The following WNT2B variants were observed in gnomAD, a reference collection of about 807,000 sequenced individuals.
WNT2B encodes Wnt family member 2B.
WNT2B carries 19 observed loss-of-function variants against 40.5 expected under a neutral mutation model. The observed-to-expected ratio is 0.47, with a 90% CI of 0.33 to 0.69. The LOEUF (loss-of-function observed/expected upper bound fraction) is 0.69. Among genes scored for constraint, WNT2B ranks in the 30% least tolerant of loss-of-function variants. The probability of loss-of-function intolerance (pLI) is 0.02; values close to 1 mark genes in which losing one functional copy is unlikely to be tolerated. For synonymous variants in WNT2B, 220 were observed against 211.9 expected (o/e 1.04, Z -0.33); for missense variants, 467 against 556.4 (o/e 0.84, Z 1.62).
Position 112,514,556 on chromosome 1 carries a change from TTG to T in WNT2B, c.183-313_183-312del, listed in dbSNP as rs149709978. Among the ~76,000 whole-genome samples the T allele has an allele frequency of 1.2e-3, 179 of 152,330 alleles. 2 individuals carry two copies. In the East Asian group the frequency reaches 0.015, roughly 13 times the overall value. ...TTTATTAAATAAACAGACAATGAGT[TTG>T]TGTGACATGCCCACAGCTTCTGTGT... On this transcript the variant is annotated intron_variant, in intron 1 of 4. Transcript: ENST00000369684.
intron 4 of WNT2B, among the ~76,000 whole-genome samples, chr1:112,519,228 T>A (rs1034720849): frequency 6.6e-6 from 1 of 152,260 alleles, no homozygotes; most frequent in Non-Finnish European, 1.5e-5. Flanking sequence ...CTCCATTATA[T>A]GTATATTTAT....
At chr1:112,508,232 G>A (rs919490313), upstream of WNT2B, among the ~76,000 whole-genome samples, 1 of 151,914 alleles carries the variant, frequency 6.6e-6, no homozygotes, top group Non-Finnish European at 1.5e-5. This position sits in a 1 kb window ranked among gnomAD's most constrained non-coding sequence, Gnocchi z 4.2. Flanking sequence ...AGGGGGAGCG[G>A]GGAGAGACTG....
chr1:112,516,718 G>A (rs1311879613), intron 3 of WNT2B, among the ~76,000 whole-genome samples: 2 of 152,202 alleles, frequency 1.3e-5, no homozygotes, highest in African/African-American at 4.8e-5. Flanking sequence ...GGTTGTTCTA[G>A]TCAGTTCCCT....
At position 112,515,421 on chromosome 1, in the gene WNT2B, T is replaced by C. The variant is rs1294806288; in HGVS notation, c.403+327T>C. Among the ~76,000 whole-genome samples the C allele has an allele frequency of 6.6e-6, 1 of 152,214 alleles. No homozygotes were observed. The highest frequency in any genetic ancestry group is 6.5e-5 in the Admixed American group (1 of 15,278). On this transcript the variant is annotated intron_variant, in intron 2 of 4. Transcript: ENST00000369684. The surrounding 1 kb of genome is among the most constrained non-coding windows in gnomAD (Gnocchi z 4.4). ...TGTACTGTAAGGCTGAGGTCTATGA[T>C]AGGCCCTCTGTTCTTAACACCACCA...
At position 112,521,306 on chromosome 1, in the gene WNT2B, G is replaced by A. The variant is rs1652859214; in HGVS notation, c.*797G>A. 1 of 130,570 alleles carries A rather than the reference G, an allele frequency of 7.7e-6. No individual in the cohort carries two copies. The highest frequency in any genetic ancestry group is 2.9e-5 in the African/African-American group (1 of 34,798). The allele number at this position is 130,570 out of a possible 1,614,324, so 8.1% of individuals were successfully genotyped here. On this transcript the variant is annotated 3_prime_UTR_variant, in exon 5 of 5. Transcript: ENST00000369684. ...TGTAGTAAGTCTGGCTAGGCCTTGT[G>A]TTGCCTTTTTTTTTTTTTTTTTTTT...
intron 1 of WNT2B, among the ~76,000 whole-genome samples, chr1:112,513,152 A>G (rs1420391681): frequency 1.3e-5 from 2 of 151,590 alleles, no homozygotes; most frequent in South Asian, 2.1e-4. Context: ...CCCATTGCCT[A>G]GAGCAGTACT....
At chr1:112,479,049 T>C (rs947941394) in intron 1 of WNT2B, among the ~76,000 whole-genome samples, 7 of 150,696 alleles carry the variant, frequency 4.6e-5, no homozygotes, top group African/African-American at 9.8e-5. Flanking sequence ...GGTGAAACCT[T>C]GTCTCTACTA....
chr1:112,483,590 C>T (rs2101057933), intron 1 of WNT2B, among the ~76,000 whole-genome samples: 1 of 150,524 alleles, frequency 6.6e-6, no homozygotes, highest in South Asian at 2.1e-4. Context: ...TTTGATGTGA[C>T]ACAAAAAGCA....
At chr1:112,484,290 T>TATAC (rs1294363726) in intron 1 of WNT2B, among the ~76,000 whole-genome samples, 72 of 126,034 alleles carry the variant, frequency 5.7e-4, no homozygotes, top group South Asian at 1.7e-3. Flanking sequence ...TATATATATA[T>TATAC]ACACACACAT....
At position 112,520,579 on chromosome 1, in the gene WNT2B, A is replaced by C; in HGVS notation, c.*70A>C. 1 of 1,494,346 alleles carries C rather than the reference A, an allele frequency of 6.7e-7. No homozygotes were observed. Among genetic ancestry groups the C allele is most frequent in the Non-Finnish European group, 9.2e-7 (1 of 1,088,218 alleles). 92.6% of individuals were successfully genotyped at this position (1,494,346 alleles called of 1,614,324 possible). On this transcript the variant is annotated 3_prime_UTR_variant, in exon 5 of 5. Transcript: ENST00000369684. ...TCAAAAGCACAAGATCCTTGCATGC[A>C]CACCTTCCTCCACCCTCCACCCTGG...
chr1:112,477,990 T>C (rs1180240347), intron 1 of WNT2B, among the ~76,000 whole-genome samples: 1 of 152,160 alleles, frequency 6.6e-6, no homozygotes, highest in Non-Finnish European at 1.5e-5. Flanking sequence ...CCCTAGCACA[T>C]TGGGAGGCCA....
chr1:112,479,432 G>A (rs1651153394), intron 1 of WNT2B, among the ~76,000 whole-genome samples: 1 of 151,418 alleles, frequency 6.6e-6, no homozygotes, highest in South Asian at 2.1e-4. Flanking sequence ...AAATTAGCCG[G>A]TTGTGGTGGC....
At chr1:112,482,190 A>G (rs1485083083) in intron 1 of WNT2B, among the ~76,000 whole-genome samples, 1 of 151,234 alleles carries the variant, frequency 6.6e-6, no homozygotes, top group Non-Finnish European at 1.5e-5. Context: ...ACGGTGGTGC[A>G]TGCCTGTGGT....
chr1:112,513,646 G>T (rs2101087191), intron 1 of WNT2B, among the ~76,000 whole-genome samples: 1 of 152,280 alleles, frequency 6.6e-6, no homozygotes, highest in East Asian at 1.9e-4. Context: ...GGCCCATTTT[G>T]GGGCCGTTCC....
chr1:112,508,778 G>T, upstream of WNT2B: 2 of 987,380 alleles, frequency 2.0e-6, no homozygotes, highest in Non-Finnish European at 1.2e-6. This position sits in a 1 kb window ranked among gnomAD's most constrained non-coding sequence, Gnocchi z 4.2. Context: ...CAGCGTGCGG[G>T]AGCAGGTGGG....
Position 112,479,803 on chromosome 1 carries a change from T to C in WNT2B, c.-95+12212T>C, listed in dbSNP as rs187654498. 7.9e-3 allele frequency among the ~76,000 whole-genome samples: 1,205 copies of C among 151,840 alleles called. 12 individuals carry two copies. The highest frequency in any genetic ancestry group is 0.027 in the African/African-American group (1,128 of 41,442). On this transcript the variant is annotated intron_variant, in intron 1 of 4. Coordinates refer to the WNT2B transcript ENST00000256640. ...TCTGCTCACTGCAAGCTCTGCCTCC[T>C]GGGTTCACACCATTCTCCTGCCTCA... is the stretch of plus-strand genomic sequence containing the variant.
At chr1:112,510,712 A>G (rs1303332358) in intron 1 of WNT2B, among the ~76,000 whole-genome samples, 1 of 149,622 alleles carries the variant, frequency 6.7e-6, no homozygotes, top group African/African-American at 2.5e-5. Context: ...TTTTTTTTTT[A>G]AATCTCTGCA....
chr1:112,509,078 A>T lies in WNT2B; in HGVS notation c.-185A>T. 1 of 1,348,536 alleles carries T rather than the reference A, an allele frequency of 7.4e-7. No homozygotes were observed. Among genetic ancestry groups the T allele is most frequent in the Non-Finnish European group, 9.4e-7 (1 of 1,059,100 alleles). The allele number at this position is 1,348,536 out of a possible 1,614,324, so 83.5% of individuals were successfully genotyped here. Reference sequence around the variant, plus strand: ...GGCACGCCGTCGTCGGCTTCCGGACATCGCAACTTGCGCCCCTCTCGGGGA... The same window carrying T: ...GGCACGCCGTCGTCGGCTTCCGGACTTCGCAACTTGCGCCCCTCTCGGGGA... On this transcript the variant is annotated 5_prime_UTR_variant, in exon 1 of 5. Coordinates refer to ENST00000369684, the MANE Select transcript of WNT2B (RefSeq NM_024494.3). This position sits in a 1 kb window ranked among gnomAD's most constrained non-coding sequence, Gnocchi z 4.2.
chr1:112,501,271 G>A (rs981818947), intron 1 of WNT2B, among the ~76,000 whole-genome samples: 3 of 152,160 alleles, frequency 2.0e-5, no homozygotes, highest in Non-Finnish European at 2.9e-5. Flanking sequence ...CTATCAACCT[G>A]ACACTGGTAT....
Sources: allele counts gnomAD v4.1 joint callset (sites outside exome capture counted in the v4.1 genomes callset), GRCh38; gene constraint gnomAD v4.1.1; non-coding constraint Gnocchi (gnomAD v3.1); transcripts MANE v1.5; gene names NCBI Gene and HGNC (gene_info 2026-07-23, HGNC 2026-07-21).